Variants in TMEM210 observed in about 807,000 individuals in gnomAD.
TMEM210 encodes the protein transmembrane protein 210.
In TMEM210, 7 loss-of-function variants were observed where a neutral mutation model predicts 10.3. The ratio of observed to expected loss-of-function variants is 0.68; its 90% CI spans 0.39 to 1.28. TMEM210 has a LOEUF of 1.28. Among genes scored for constraint, TMEM210 ranks in the 50% most tolerant of loss-of-function variants. The probability of loss-of-function intolerance (pLI) is 0.01; values close to 1 mark genes in which losing one functional copy is unlikely to be tolerated. For synonymous variants in TMEM210, 79 were observed against 81.2 expected (o/e 0.97, Z 0.14); for missense variants, 185 against 197.8 (o/e 0.94, Z 0.39).
rs1374631935 is a variant in TMEM210 at position 137,171,301 on chromosome 9, C to T, written c.254+113G>A. 5 of 1,501,924 alleles carry T rather than the reference C, an allele frequency of 3.3e-6. No homozygotes were observed. The Admixed American group carries it at 5.9e-5, about 18-fold the overall frequency. 93.0% of individuals were successfully genotyped at this position (1,501,924 alleles called of 1,614,324 possible). ...TCCTCTTCCAGGGACAGCACCCCTC[C>T]TCCTCCAGGGACAGCACCCCTCCTC... On this transcript the variant is annotated intron_variant, in intron 3 of 3. Transcript: ENST00000413619.
In TMEM210 at chr9:137,171,075, A is replaced by C. The variant is rs1162568476; in HGVS notation, c.344T>G (p.Val115Gly). Residue 115 changes from valine to glycine, a missense_variant, in exon 4 of 4, where the codon GTC (valine) becomes GGC (glycine). Transcript: ENST00000413619. ...ESQLMDADLE[V>G]SLVPPLEDQS... is the part of the protein sequence containing the mutation. ...ATCCTCTAGTGGTGGCACCAGGGAG[A>C]CCTCCAGGTCAGCGTCCATTAGCTG... The C allele has an allele frequency of 6.5e-7, 1 of 1,535,030 alleles. No homozygotes were observed. The highest frequency in any genetic ancestry group is 1.4e-5 in the African/African-American group (1 of 72,886).
At chr9:137,171,892 G>A (rs1390700074) in intron 1 of TMEM210, 48 bp downstream of exon 1, 2 of 1,434,768 alleles carry the variant, frequency 1.4e-6, no homozygotes, top group Admixed American at 2.8e-5. Context: ...CTTGCCTGGG[G>A]AAGGGGAGCC....
chr9:137,171,555 G>A, intron 2 of TMEM210, 86 bp downstream of exon 2: 1 of 1,532,186 alleles, frequency 6.5e-7, no homozygotes, highest in Non-Finnish European at 8.7e-7. Flanking sequence ...CCACCCAGGG[G>A]GTAAAGCCCT....
chr9:137,171,357 CG>C lies in TMEM210; in HGVS notation c.254+56del, dbSNP rs1834103818. The stretch of plus-strand genomic sequence containing the variant: ...GGGACTCCCCTGGGATAGCTCCCCC[CG>C]CCAAGGGCCTCCCCTGAGACAGCGT... On this transcript the variant is annotated intron_variant, in intron 3 of 3. Transcript: ENST00000413619. The C allele has an allele frequency of 4.6e-6, 7 of 1,534,554 alleles. No individual in the cohort carries two copies. The South Asian group carries it at 7.1e-5, about 16-fold the overall frequency.
rs779817873 is a variant in TMEM210 at position 137,171,641 on chromosome 9, C to A, written c.224G>T (p.Gly75Val). The A allele has an allele frequency of 4.9e-5, 75 of 1,533,858 alleles. No individual in the cohort carries two copies. The change falls in exon 2 of 4, where the codon GGT becomes GTT. Residue 75 changes from glycine (G) to valine (V), a missense_variant and splice_region_variant. Transcript: ENST00000413619. ...IVAIGVLRAK[G>V]ETCPRQVDNR... ...TCTCCCGGCCCCAGGGTTCACGCAC[C>A]CCTTGGCCCGCAAGACACCAATTGC... is the stretch of plus-strand genomic sequence containing the variant.
At position 137,171,337 on chromosome 9, in the gene TMEM210, TC is replaced by T; in HGVS notation, c.254+76del. The T allele has an allele frequency of 2.0e-6, 3 of 1,523,014 alleles. No homozygotes were observed. In the Admixed American group the frequency reaches 5.9e-5, roughly 30 times the overall value. 94.3% of individuals were successfully genotyped at this position (1,523,014 alleles called of 1,614,324 possible). On this transcript the variant is annotated intron_variant, in intron 3 of 3. Transcript: ENST00000413619. ...ACAGCACCCCTCCTCCTCCAGGGAC[TC>T]CCCTGGGATAGCTCCCCCCGCCAAG...
Position 137,170,951 on chromosome 9 carries a change from C to G in TMEM210, c.*24G>C. ...CAGCCACTAAATACGCTTTAATTCC[C>G]CTCCCCCAGCTGCCCTCAGCCCTCT... On this transcript the variant is annotated 3_prime_UTR_variant, in exon 4 of 4. Transcript: ENST00000413619. The G allele has an allele frequency of 6.6e-7, 1 of 1,525,406 alleles. No homozygotes were observed. The highest frequency in any genetic ancestry group is 1.2e-5 in the South Asian group (1 of 83,544). The allele number at this position is 1,525,406 out of a possible 1,614,324, so 94.5% of individuals were successfully genotyped here. A position where few individuals can be genotyped will look rare whatever the true frequency, so the allele number is the denominator to read the frequency against.
At position 137,171,967 on chromosome 9, in the gene TMEM210, A is replaced by C; in HGVS notation, c.61T>G (p.Leu21Val). ...LRGGPLGLTY[L>V]SLLLIPAAAG... ...GCAGCAGGGATGAGCAGAAGGGACA[A>C]ATATGTGAGGCCCAAGGGGCCACCA... Residue 21 changes from leucine to valine, a missense_variant, in exon 1 of 4, where the codon TTG becomes GTG. Transcript: ENST00000413619. 7.0e-7 allele frequency: 1 copy of C among 1,427,598 alleles called. No homozygotes were observed. The highest frequency in any genetic ancestry group is 9.1e-7 in the Non-Finnish European group (1 of 1,094,612). 88.4% of individuals were successfully genotyped at this position (1,427,598 alleles called of 1,614,324 possible).
Position 137,172,021 on chromosome 9 carries a change from G to A in TMEM210, c.7C>T (p.Pro3Ser). The change falls in exon 1 of 4, where the codon CCC becomes TCC. Residue 3 changes from proline (P) to serine (S), a missense_variant. By Grantham distance (74) the Pro-to-Ser change is moderately conservative (BLOSUM62 -1). Transcript: ENST00000413619. MA[P>S]GPWPVSCLRG... ...AGGCAGGACACAGGCCAGGGACCGG[G>A]GGCCATGTCCAGCCCTGGCCCCACT... is the stretch of plus-strand genomic sequence containing the variant. 5 of 1,401,880 alleles carry A rather than the reference G, an allele frequency of 3.6e-6. No individual in the cohort carries two copies. Among genetic ancestry groups the A allele is most frequent in the Non-Finnish European group, 4.6e-6 (5 of 1,082,148 alleles). The allele number at this position is 1,401,880 out of a possible 1,614,324, so 86.8% of individuals were successfully genotyped here.
chr9:137,171,351 T>TC (rs1204630427), intron 3 of TMEM210, 63 bp downstream of exon 3: 32 of 1,531,672 alleles, frequency 2.1e-5, no homozygotes, highest in South Asian at 9.5e-5. Flanking sequence ...CTGGGATAGC[T>TC]CCCCCCGCCA....
In TMEM210 at chr9:137,171,091, C is replaced by T; in HGVS notation, c.328G>A (p.Asp110Asn). The change falls in exon 4 of 4, where the codon GAC (aspartate) becomes AAC (asparagine). Residue 110 changes from aspartate (D) to asparagine (N), a missense_variant. Physicochemically the swap from Asp to Asn is conservative, Grantham distance 23. Transcript: ENST00000413619. ...ACCAGGGAGACCTCCAGGTCAGCGT[C>T]CATTAGCTGGGACTCCACGTAAACC... ...HPVYVESQLM[D>N]ADLEVSLVPP... The T allele has an allele frequency of 6.5e-7, 1 of 1,535,434 alleles. No homozygotes were observed. The highest frequency in any genetic ancestry group is 8.7e-7 in the Non-Finnish European group (1 of 1,146,542).
At chr9:137,171,510 G>A (rs555597771) in intron 2 of TMEM210, 67 bp from the exon 3 acceptor site, 5 of 1,535,004 alleles carry the variant, frequency 3.3e-6, no homozygotes, top group African/African-American at 1.4e-5. Flanking sequence ...CCCAGCACAC[G>A]CCTAGGAAAC....
At position 137,172,019 on chromosome 9, in the gene TMEM210, G is replaced by T; in HGVS notation, c.9C>A (p.Pro3=). ...GCAGGCAGGACACAGGCCAGGGACC[G>T]GGGGCCATGTCCAGCCCTGGCCCCA... MA[P]GPWPVSCLRG... is the part of the protein sequence containing the mutation. Residue 3 remains proline, a synonymous_variant, in exon 1 of 4, where the codon CCC becomes CCA. Transcript: ENST00000413619. 1 of 1,398,844 alleles carries T rather than the reference G, an allele frequency of 7.1e-7. No homozygotes were observed. Among genetic ancestry groups the T allele is most frequent in the Non-Finnish European group, 9.3e-7 (1 of 1,080,316 alleles). 86.7% of individuals were successfully genotyped at this position (1,398,844 alleles called of 1,614,324 possible).
Position 137,171,416 on chromosome 9 carries a change from G to A in TMEM210, c.252C>T (p.Asn84=), listed in dbSNP as rs1564372097. 6.5e-7 allele frequency: 1 copy of A among 1,535,606 alleles called. No homozygotes were observed. Among genetic ancestry groups the A allele is most frequent in the East Asian group, 2.4e-5 (1 of 40,904 alleles). ...TCGAGGGCCTCCCTGGTGCTCACCT[G>A]TTGTCCACTTGTCTCGGGCATGTTT... is the stretch of plus-strand genomic sequence containing the variant. ...KGETCPRQVD[N]RLVENFGVQE... Residue 84 remains asparagine (N), a splice_region_variant and synonymous_variant, in exon 3 of 4, where the codon AAC becomes AAT. Transcript: ENST00000413619.
At chr9:137,171,528 C>T in intron 2 of TMEM210, 85 bp from the exon 3 acceptor site, 2 of 1,534,392 alleles carry the variant, frequency 1.3e-6, no homozygotes, top group Non-Finnish European at 1.7e-6. Flanking sequence ...AACGCCATTC[C>T]TACCCCAGGT....
Position 137,171,411 on chromosome 9 carries a change from C to T in TMEM210, c.254+3G>A, listed in dbSNP as rs1397902090. On this transcript the variant is annotated splice_donor_region_variant and intron_variant, in intron 3 of 3. Transcript: ENST00000413619. ...CTCCCTCGAGGGCCTCCCTGGTGCT[C>T]ACCTGTTGTCCACTTGTCTCGGGCA... The T allele has an allele frequency of 1.3e-6, 2 of 1,535,492 alleles. No homozygotes were observed. Among genetic ancestry groups the T allele is most frequent in the East Asian group, 4.9e-5 (2 of 40,924 alleles).
intron 2 of TMEM210, 26 bp downstream of exon 2, chr9:137,171,615 C>G (rs966895490): frequency 1.3e-6 from 2 of 1,528,980 alleles, no homozygotes; most frequent in Non-Finnish European, 1.8e-6. Flanking sequence ...CACTCCCATC[C>G]TCTCCCGGCC....
At chr9:137,171,798 G>A in intron 1 of TMEM210, 22 bp from the exon 2 acceptor site, 4 of 1,504,434 alleles carry the variant, frequency 2.7e-6, no homozygotes, top group Middle Eastern at 1.7e-4. Context: ...GGGCCACATG[G>A]CCATGGGCCG....
chr9:137,170,953 T>C lies in TMEM210; in HGVS notation c.*22A>G, dbSNP rs1834094593. 1 of 1,525,400 alleles carries C rather than the reference T, an allele frequency of 6.6e-7. No individual in the cohort carries two copies. The highest frequency in any genetic ancestry group is 8.8e-7 in the Non-Finnish European group (1 of 1,140,766). 94.5% of individuals were successfully genotyped at this position (1,525,400 alleles called of 1,614,324 possible). ...GCCACTAAATACGCTTTAATTCCCC[T>C]CCCCCAGCTGCCCTCAGCCCTCTAC... On this transcript the variant is annotated 3_prime_UTR_variant, in exon 4 of 4. Transcript: ENST00000413619.
Sources: gnomAD v4.1 joint callset for allele counts on GRCh38, gnomAD v4.1.1 for gene constraint, MANE v1.5 for transcripts, NCBI Gene and HGNC (gene_info 2026-07-23, HGNC 2026-07-21) for gene names.